SEPTIN11: variants seen among roughly 807,000 people sequenced by gnomAD.
The protein encoded by SEPTIN11 is septin 11, also known as septin-11.
SEPTIN11 carries 25 observed loss-of-function variants against 51.4 expected under a neutral mutation model. The ratio of observed to expected loss-of-function variants is 0.49; its 90% CI spans 0.35 to 0.68. The LOEUF is 0.68. Ranked by LOEUF, SEPTIN11 falls within the 30% of genes least tolerant of loss-of-function variation. SEPTIN11 has a pLI of 0.00. For synonymous variants in SEPTIN11, 174 were observed against 184.1 expected, an observed-to-expected ratio of 0.95 and a Z score of 0.44; for missense variants, 381 against 520.8, an observed-to-expected ratio of 0.73 and a Z score of 2.61.
chr4:76,988,574 T>A (rs969999107), intron 1 of SEPTIN11, among the ~76,000 whole-genome samples: 15 of 152,348 alleles, frequency 9.8e-5, no homozygotes, highest in African/African-American at 2.6e-4. Context: ...AGTGGCACAA[T>A]CCTGGCTCAT....
chr4:77,028,701 A>G lies in SEPTIN11; in HGVS notation c.1026A>G (p.Arg342=), dbSNP rs996676501. Residue 342 remains arginine (R), a synonymous_variant, in exon 8 of 10, where the codon AGA becomes AGG. Coordinates refer to ENST00000264893, the MANE Select transcript of SEPTIN11 (RefSeq NM_018243.4). The part of the protein sequence containing the change: ...GELQKKEEEM[R]QMFVMRVKEK... ...TGCAGAAGAAAGAAGAAGAAATGAG[A>G]CAAATGTTTGTTATGAGAGTGAAGG... is the stretch of plus-strand genomic sequence containing the variant. The G allele has an allele frequency of 1.2e-6, 2 of 1,613,908 alleles. No individual in the cohort carries two copies. Among genetic ancestry groups the G allele is most frequent in the Non-Finnish European group, 1.7e-6 (2 of 1,179,888 alleles).
At chr4:77,022,862 C>T (rs1725816065) in intron 7 of SEPTIN11, among the ~76,000 whole-genome samples, 1 of 145,912 alleles carries the variant, frequency 6.9e-6, no homozygotes, top group Admixed American at 6.8e-5. Flanking sequence ...CCAGGAAGGG[C>T]CCAGTGGCCT....
intron 1 of SEPTIN11, chr4:76,958,956 A>C (rs1721683294): frequency 9.6e-7 from 1 of 1,045,644 alleles, no homozygotes. Flanking sequence ...GTTGGCATGC[A>C]TTTGACTTCA....
chr4:76,992,767 T>A (rs2109930708), intron 1 of SEPTIN11, among the ~76,000 whole-genome samples: 1 of 152,344 alleles, frequency 6.6e-6, no homozygotes, highest in Non-Finnish European at 1.5e-5. Flanking sequence ...GATGGAGGTA[T>A]AATTTTATTG....
rs923628554 is a variant in SEPTIN11, at chr4:77,009,487, T to A, written c.339-2248T>A. Reference sequence around the variant, plus strand: ...AGTATGATTTTCTAGAGGGAATACATAGAGTGAAAAGAAGGGAGACTGAAT... The same window carrying A: ...AGTATGATTTTCTAGAGGGAATACAAAGAGTGAAAAGAAGGGAGACTGAAT... On this transcript the variant is annotated intron_variant, in intron 3 of 9. Coordinates refer to ENST00000264893, the MANE Select transcript of SEPTIN11 (RefSeq NM_018243.4). 2.6e-5 allele frequency among the ~76,000 whole-genome samples: 4 copies of A among 152,068 alleles called. 1 individual carries two copies. Among genetic ancestry groups the A allele is most frequent in the East Asian group, 3.9e-4 (2 of 5,190 alleles).
chr4:77,030,726 T>TTTACATCAAA, intron 8 of SEPTIN11, 57 bp from the exon 9 acceptor site: 1 of 1,504,074 alleles, frequency 6.6e-7, no homozygotes, highest in Non-Finnish European at 8.9e-7. Context: ...TCCAAAGAAC[T>TTTACATCAAA]TTACATCAAA....
intron 2 of SEPTIN11, among the ~76,000 whole-genome samples, chr4:77,004,698 C>A (rs776185291): frequency 6.6e-6 from 1 of 152,174 alleles, no homozygotes; most frequent in Non-Finnish European, 1.5e-5. Context: ...CGTGGTGGCT[C>A]ATGCCTGTAA....
chr4:76,960,002 T>A (rs549078490), intron 1 of SEPTIN11, among the ~76,000 whole-genome samples: 1 of 152,214 alleles, frequency 6.6e-6, no homozygotes, highest in Admixed American at 6.5e-5. Context: ...AACAATCTAA[T>A]TGTACTCTTT....
intron 1 of SEPTIN11, among the ~76,000 whole-genome samples, chr4:76,953,054 T>C (rs2109874611): frequency 6.6e-6 from 1 of 152,344 alleles, no homozygotes; most frequent in East Asian, 1.9e-4. Flanking sequence ...TATTTCTTAC[T>C]TTATCCCTAA....
intron 4 of SEPTIN11, among the ~76,000 whole-genome samples, chr4:77,013,591 T>A (rs1725020589): frequency 1.3e-5 from 2 of 152,152 alleles, no homozygotes; most frequent in African/African-American, 4.8e-5. Flanking sequence ...ATCCAAACAT[T>A]TCCCCCACCA....
At chr4:76,975,485 CAT>C (rs1560703133) in intron 1 of SEPTIN11, among the ~76,000 whole-genome samples, 1 of 152,272 alleles carries the variant, frequency 6.6e-6, no homozygotes, top group East Asian at 1.9e-4. Context: ...AAACTTATTA[CAT>C]GTTAATGTAA....
At position 76,958,831 on chromosome 4, in the gene SEPTIN11, C is replaced by CT; in HGVS notation, c.27+8902dup. The CT allele has an allele frequency of 4.3e-6, 6 of 1,399,662 alleles. No homozygotes were observed. The South Asian group carries it at 7.1e-5, about 16-fold the overall frequency. The allele number at this position is 1,399,662 out of a possible 1,614,324, so 86.7% of individuals were successfully genotyped here. A position where few individuals can be genotyped will look rare whatever the true frequency, so the allele number is the denominator to read the frequency against. ...AAAATAAGTTTTAAATAGTCAATGG[C>CT]TGGTTATATTTTCAGAAAACATGAT... On this transcript the variant is annotated intron_variant, in intron 1 of 9. Coordinates refer to ENST00000264893, the MANE Select transcript of SEPTIN11 (RefSeq NM_018243.4).
At chr4:77,030,994 A>ATCGGGGACC in intron 9 of SEPTIN11, 24 bp downstream of exon 9, 1 of 1,578,380 alleles carries the variant, frequency 6.3e-7, no homozygotes. Flanking sequence ...ACCCCCCTGT[A>ATCGGGGACC]TCGGGGACCT....
In SEPTIN11 at chr4:76,984,636, A is replaced by G. The variant is rs969860271; in HGVS notation, c.28-11789A>G. Among the ~76,000 whole-genome samples the G allele has an allele frequency of 6.6e-6, 1 of 152,226 alleles. No homozygotes were observed. The highest frequency in any genetic ancestry group is 1.5e-5 in the Non-Finnish European group (1 of 68,036). On this transcript the variant is annotated intron_variant, in intron 1 of 9. Coordinates refer to ENST00000264893, the MANE Select transcript of SEPTIN11 (RefSeq NM_018243.4). The surrounding 1 kb of genome is among the most constrained non-coding windows in gnomAD (Gnocchi z 4.1). The stretch of plus-strand genomic sequence containing the variant: ...TAAAAAGTTGAGGAAAAAACTTCCA[A>G]CTGCTTTGAGCCTCTTAATTCTATT...
intron 6 of SEPTIN11, 56 bp downstream of exon 6, chr4:77,019,317 C>T (rs1725526376): frequency 9.9e-6 from 14 of 1,415,686 alleles, no homozygotes; most frequent in South Asian, 8.0e-5. Flanking sequence ...TGTGAATGGC[C>T]GTGTTTGTTC....
chr4:76,949,993 T>G lies in SEPTIN11; in HGVS notation c.27+63T>G, dbSNP rs1469630488. ...CGGGTGGTCTCTGCTCTGGGGCGGGTGCGGTGAGGACCACAGGGGAGCCGG... is the reference window on the plus strand; with the variant it reads ...CGGGTGGTCTCTGCTCTGGGGCGGGGGCGGTGAGGACCACAGGGGAGCCGG... On this transcript the variant is annotated intron_variant, in intron 1 of 9. Coordinates refer to ENST00000264893, the MANE Select transcript of SEPTIN11 (RefSeq NM_018243.4). The G allele has an allele frequency of 2.9e-6, 4 of 1,373,368 alleles. No homozygotes were observed. The East Asian group carries it at 1.2e-4, about 42-fold the overall frequency. The allele number at this position is 1,373,368 out of a possible 1,614,324, so 85.1% of individuals were successfully genotyped here.
chr4:76,999,192 G>C (rs1045579108), intron 2 of SEPTIN11, among the ~76,000 whole-genome samples: 1 of 152,196 alleles, frequency 6.6e-6, no homozygotes, highest in Admixed American at 6.5e-5. Context: ...GCCAGCGTGA[G>C]CTCTTTGGGA....
At chr4:76,956,015 T>A (rs112784204) in intron 1 of SEPTIN11, among the ~76,000 whole-genome samples, 20 of 152,324 alleles carry the variant, frequency 1.3e-4, no homozygotes, top group African/African-American at 4.3e-4. Flanking sequence ...CATTGGATTT[T>A]ATGAAAACAG....
At chr4:76,972,758 C>G (rs1048121905) in intron 1 of SEPTIN11, among the ~76,000 whole-genome samples, 65 of 152,260 alleles carry the variant, frequency 4.3e-4, no homozygotes, top group African/African-American at 1.4e-3. Flanking sequence ...AGGTTATTTT[C>G]TGATTTATAG....
Sources: allele counts gnomAD v4.1 joint callset (sites outside exome capture counted in the v4.1 genomes callset), GRCh38; gene constraint gnomAD v4.1.1; non-coding constraint Gnocchi (gnomAD v3.1); transcripts MANE v1.5; gene names NCBI Gene and HGNC (gene_info 2026-07-23, HGNC 2026-07-21).